The following SHANK2 variants were observed in gnomAD, a reference collection of about 807,000 sequenced individuals.
SHANK2 encodes SH3 and multiple ankyrin repeat domains 2.
In SHANK2, 43 loss-of-function variants were observed where a neutral mutation model predicts 133.7. The ratio of observed to expected loss-of-function variants is 0.32; its 90% CI spans 0.25 to 0.41. The LOEUF (loss-of-function observed/expected upper bound fraction) is 0.41, where lower values mean the gene tolerates loss of function less well. Among genes scored for constraint, SHANK2 ranks in the 10% least tolerant of loss-of-function variants. The pLI is 1.00. For missense variants in SHANK2, 1,994 were observed against 2,235.8 expected (o/e 0.89, Z 2.18); for synonymous variants, 1,017 against 952.8 (o/e 1.07, Z -1.24).
chr11:70,529,114 C>T (rs532697065), intron 17 of SHANK2, among the ~76,000 whole-genome samples: 32 of 152,212 alleles, frequency 2.1e-4, no homozygotes, highest in East Asian at 1.9e-4. Flanking sequence ...GAGTAAGAAA[C>T]GGGTGCCTGG....
chr11:71,146,148 G>A (rs1555106663), intron 3 of SHANK2, among the ~76,000 whole-genome samples: 1 of 152,210 alleles, frequency 6.6e-6, no homozygotes, highest in African/African-American at 2.4e-5. Flanking sequence ...CTAGGCGCCT[G>A]TTTGCAACCA....
At chr11:70,902,657 G>A in intron 10 of SHANK2, among the ~76,000 whole-genome samples, 1 of 151,246 alleles carries the variant, frequency 6.6e-6, no homozygotes, top group South Asian at 2.1e-4. Context: ...GGGCACCACA[G>A]GATTTTTTTT....
chr11:70,599,955 GAAAGAAAGAA>G (rs1401392273), intron 17 of SHANK2, among the ~76,000 whole-genome samples: 68 of 131,830 alleles, frequency 5.2e-4, no homozygotes, highest in African/African-American at 1.9e-3. Context: ...AAGAAAGAAA[GAAAGAAAGAA>G]AGAAAGAAAA....
chr11:70,895,409 A>G (rs797032150), intron 11 of SHANK2: 6 of 152,736 alleles, frequency 3.9e-5, no homozygotes, highest in African/African-American at 1.4e-4. Flanking sequence ...CTGCCGGTCC[A>G]ATGGGACTGC....
intron 17 of SHANK2, among the ~76,000 whole-genome samples, chr11:70,654,818 A>AG (rs1427951599): frequency 1.4e-5 from 2 of 145,424 alleles, no homozygotes; most frequent in Non-Finnish European, 3.0e-5. Context: ...CCCAGGCTGG[A>AG]GTGCAGTGGC....
intron 17 of SHANK2, among the ~76,000 whole-genome samples, chr11:70,615,635 A>G (rs1446066334): frequency 4.6e-5 from 7 of 152,124 alleles, no homozygotes; most frequent in Non-Finnish European, 5.9e-5. Flanking sequence ...CCCTTGCTGC[A>G]TATCTGTAAG....
chr11:70,497,778 G>A (rs978685243), intron 21 of SHANK2, among the ~76,000 whole-genome samples: 2 of 152,212 alleles, frequency 1.3e-5, no homozygotes, highest in Non-Finnish European at 2.9e-5. Flanking sequence ...CCAAATCGAG[G>A]AGTGACACGA....
chr11:70,807,147 G>T lies in SHANK2; in HGVS notation c.1518C>A (p.Asn506Lys). Residue 506 changes from asparagine (N) to lysine (K), a missense_variant, in exon 13 of 26, where the codon AAC (asparagine) becomes AAA (lysine). Transcript: ENST00000601538. The surrounding 1 kb of genome is among the most constrained non-coding windows in gnomAD (Gnocchi z 4.8). Reference sequence around the variant, plus strand: ...ACTCGAAGGCCGAGAGTGAGTCCTTGTTGGCACCAAGAGCAAAAGGCGACC... The same window carrying T: ...ACTCGAAGGCCGAGAGTGAGTCCTTTTTGGCACCAAGAGCAAAAGGCGACC... The part of the protein sequence containing the change: ...HVGSPFALGA[N>K]KDSLSAFEYP... 1.4e-6 allele frequency: 1 copy of T among 717,874 alleles called. No homozygotes were observed. Among genetic ancestry groups the T allele is most frequent in the South Asian group, 1.5e-5 (1 of 67,564 alleles). The allele number at this position is 717,874 out of a possible 1,614,324, so 44.5% of individuals were successfully genotyped here.
At chr11:70,602,355 G>A (rs782058992) in intron 17 of SHANK2, among the ~76,000 whole-genome samples, 4 of 152,296 alleles carry the variant, frequency 2.6e-5, no homozygotes, top group South Asian at 4.1e-4. Flanking sequence ...GAGAGGTCTC[G>A]GCCTCCACGT....
At chr11:70,494,865 A>G (rs947987502) in intron 21 of SHANK2, among the ~76,000 whole-genome samples, 5 of 152,150 alleles carry the variant, frequency 3.3e-5, no homozygotes, top group Non-Finnish European at 7.4e-5. Context: ...CCAGGCCTGC[A>G]GGCTCACTGG....
chr11:71,105,205 G>A (rs1951783927), intron 6 of SHANK2, among the ~76,000 whole-genome samples: 1 of 152,178 alleles, frequency 6.6e-6, no homozygotes, highest in Non-Finnish European at 1.5e-5. Flanking sequence ...CGCACGTGCT[G>A]CCATGTGAAA....
intron 15 of SHANK2, among the ~76,000 whole-genome samples, chr11:70,688,384 C>T (rs1448382300): frequency 6.6e-6 from 1 of 152,120 alleles, no homozygotes; most frequent in South Asian, 2.1e-4. Flanking sequence ...GGAAGTTGGC[C>T]GTGGCCAGGT....
chr11:70,747,076 T>C (rs1322093249), intron 14 of SHANK2, among the ~76,000 whole-genome samples: 4 of 140,646 alleles, frequency 2.8e-5, no homozygotes, highest in African/African-American at 1.1e-4. Context: ...TCTCTTCCCC[T>C]GGCTCATCCA....
chr11:70,836,081 T>C (rs1948810882), intron 11 of SHANK2, among the ~76,000 whole-genome samples: 1 of 152,172 alleles, frequency 6.6e-6, no homozygotes, highest in African/African-American at 2.4e-5. Flanking sequence ...GGTAGGAGTG[T>C]CGCTCCGTTT....
chr11:71,176,380 C>A (rs544243764), intron 2 of SHANK2, among the ~76,000 whole-genome samples: 11 of 152,004 alleles, frequency 7.2e-5, no homozygotes, highest in Non-Finnish European at 1.6e-4. Flanking sequence ...ATCACACATG[C>A]AAAGAAGAAA....
intron 21 of SHANK2, among the ~76,000 whole-genome samples, chr11:70,492,953 G>A (rs1208516518): frequency 6.6e-6 from 1 of 151,718 alleles, no homozygotes; most frequent in Non-Finnish European, 1.5e-5. Flanking sequence ...CTGCCACTAC[G>A]CCCAGCTAAT....
intron 14 of SHANK2, among the ~76,000 whole-genome samples, chr11:70,771,914 G>T (rs1333016370): frequency 2.6e-5 from 4 of 152,190 alleles, no homozygotes; most frequent in Non-Finnish European, 5.9e-5. Flanking sequence ...GGGCCTGGGG[G>T]TTTTCACCAC....
intron 2 of SHANK2, among the ~76,000 whole-genome samples, chr11:71,214,980 G>A (rs1555119508): frequency 6.6e-6 from 1 of 152,204 alleles, no homozygotes; most frequent in Admixed American, 6.5e-5. Context: ...CTGCGTGGCG[G>A]TTTCCTCCTG....
chr11:70,836,412 T>C (rs1948817696), intron 11 of SHANK2, among the ~76,000 whole-genome samples: 1 of 152,116 alleles, frequency 6.6e-6, no homozygotes, highest in Admixed American at 6.5e-5. Flanking sequence ...ACAGCAGCTG[T>C]CTTGAAGGCC....
Sources: gnomAD v4.1 joint callset for allele counts (sites outside exome capture counted in the v4.1 genomes callset) on GRCh38, gnomAD v4.1.1 for gene constraint, Gnocchi (gnomAD v3.1) non-coding constraint, MANE v1.5 for transcripts, NCBI Gene and HGNC (gene_info 2026-07-23, HGNC 2026-07-21) for gene names.